Variants in DNAJC12 observed in about 807,000 individuals in gnomAD.
DNAJC12 encodes DnaJ heat shock protein family (Hsp40) member C12, also known as dnaJ homolog subfamily C member 12.
Under a neutral mutation model 28.5 loss-of-function variants are expected in DNAJC12, and 25 were observed. The observed-to-expected ratio is 0.88, with a 90% confidence interval of 0.64 to 1.22. DNAJC12 has a LOEUF of 1.22. Among genes scored for constraint, DNAJC12 ranks in the 50% most tolerant of loss-of-function variants. DNAJC12 has a pLI of 0.00. For missense variants in DNAJC12, 222 were observed against 231.7 expected (o/e 0.96, Z 0.27); for synonymous variants, 77 against 80.6 (o/e 0.95, Z 0.24).
At chr10:67,811,271 T>C in intron 3 of DNAJC12, 2 of 1,287,614 alleles carry the variant, frequency 1.6e-6, no homozygotes, top group South Asian at 2.6e-5. Flanking sequence ...TAACAGGGAG[T>C]GTGTATACTG....
chr10:67,803,168 A>AG (rs1479721056), intron 4 of DNAJC12, among the ~76,000 whole-genome samples: 3 of 152,122 alleles, frequency 2.0e-5, no homozygotes, highest in Non-Finnish European at 2.9e-5. Context: ...TCAAAAAAAA[A>AG]AATTTTATGA....
rs1189574660 is a variant in DNAJC12 at position 67,797,221 on chromosome 10, A to G, written c.503-11T>C. The G allele has an allele frequency of 6.2e-7, 1 of 1,609,298 alleles. No homozygotes were observed. The highest frequency in any genetic ancestry group is 1.1e-5 in the South Asian group (1 of 90,372). On this transcript the variant is annotated splice_polypyrimidine_tract_variant and intron_variant, in intron 4 of 4. Coordinates refer to ENST00000225171, the MANE Select transcript of DNAJC12 (RefSeq NM_021800.3). ...TCACATCTGCAAAACCTTTAAAGGA[A>G]AGAAAGTAAATATTTAAAATCAGAA...
chr10:67,807,934 G>T (rs1841819361), intron 3 of DNAJC12, among the ~76,000 whole-genome samples: 1 of 152,206 alleles, frequency 6.6e-6, no homozygotes, highest in South Asian at 2.1e-4. Context: ...CCTCATTAAA[G>T]AAATATACAG....
chr10:67,814,303 CA>C (rs1841892265), intron 2 of DNAJC12, among the ~76,000 whole-genome samples: 1 of 151,528 alleles, frequency 6.6e-6, no homozygotes, highest in Admixed American at 6.6e-5. Flanking sequence ...AACTAAATAT[CA>C]ATATATAAAA....
intron 3 of DNAJC12, among the ~76,000 whole-genome samples, chr10:67,809,963 T>G (rs577771845): frequency 6.6e-6 from 1 of 152,154 alleles, no homozygotes; most frequent in Non-Finnish European, 1.5e-5. Flanking sequence ...TCCATGTGTC[T>G]AAAAACCACT....
intron 3 of DNAJC12, among the ~76,000 whole-genome samples, chr10:67,810,265 A>G (rs1269654049): frequency 6.6e-6 from 1 of 151,934 alleles, no homozygotes; most frequent in Non-Finnish European, 1.5e-5. Context: ...TGATCCAATC[A>G]CCTCCCATCA....
rs138123308 is a variant in DNAJC12 at position 67,837,742 on chromosome 10, A to G, written c.78+192T>C. The stretch of plus-strand genomic sequence containing the variant: ...AGCTTCCGTAAAATTCCCATAGGAC[A>G]CTATTCAAGTAAAATCCCAACATAC... On this transcript the variant is annotated intron_variant, in intron 1 of 4. Transcript: ENST00000225171. 5.5e-4 allele frequency among the ~76,000 whole-genome samples: 84 copies of G among 152,326 alleles called. No homozygotes were observed. The East Asian group carries it at 0.013, about 24-fold the overall frequency.
intron 1 of DNAJC12, among the ~76,000 whole-genome samples, chr10:67,823,775 G>A (rs986708108): frequency 3.9e-5 from 6 of 151,954 alleles, no homozygotes; most frequent in Middle Eastern, 3.4e-3. Flanking sequence ...AAACAGCCAT[G>A]ATCAACCCAA....
intron 2 of DNAJC12, among the ~76,000 whole-genome samples, chr10:67,816,872 G>A (rs1417197930): frequency 6.6e-6 from 1 of 152,012 alleles, no homozygotes; most frequent in Non-Finnish European, 1.5e-5. Flanking sequence ...CATGGCCATG[G>A]AGAAGTTAAT....
chr10:67,820,946 G>A (rs1345558274), intron 2 of DNAJC12, among the ~76,000 whole-genome samples: 2 of 151,830 alleles, frequency 1.3e-5, no homozygotes, highest in Non-Finnish European at 2.9e-5. Context: ...ACTAGGCCCG[G>A]CTCACTTTGT....
chr10:67,836,204 G>C (rs547397786), intron 1 of DNAJC12, among the ~76,000 whole-genome samples: 18 of 152,010 alleles, frequency 1.2e-4, no homozygotes, highest in African/African-American at 2.4e-4. Flanking sequence ...GTCGGGGGGT[G>C]GGGGAGAAGG....
intron 1 of DNAJC12, among the ~76,000 whole-genome samples, chr10:67,836,684 G>A (rs187728902): frequency 3.4e-4 from 51 of 152,050 alleles, no homozygotes; most frequent in African/African-American, 1.1e-3. Context: ...TTCTGGGGGC[G>A]GGGCAGTTTT....
Position 67,797,163 on chromosome 10 carries a change from C to T in DNAJC12, c.550G>A (p.Asp184Asn). ...GWHLRFRWSKDAPSELLRKFR... is the reference protein window; with the variant it reads ...GWHLRFRWSKNAPSELLRKFR... ...TTCCTCAGGAGTTCTGAGGGAGCAT[C>T]CTTGGACCAGCGGAAACGAAGGTGC... Residue 184 changes from aspartate (D) to asparagine (N), a missense_variant, in exon 5 of 5, where the codon GAT (aspartate) becomes AAT (asparagine). Coordinates refer to ENST00000225171, the MANE Select transcript of DNAJC12 (RefSeq NM_021800.3). 1.2e-6 allele frequency: 2 copies of T among 1,613,770 alleles called. No homozygotes were observed. The highest frequency in any genetic ancestry group is 1.7e-6 in the Non-Finnish European group (2 of 1,179,844).
At chr10:67,829,781 T>A (rs1467949537) in intron 1 of DNAJC12, among the ~76,000 whole-genome samples, 1 of 152,242 alleles carries the variant, frequency 6.6e-6, no homozygotes, top group Non-Finnish European at 1.5e-5. Flanking sequence ...TATAGTTGAT[T>A]GTAATGTAAC....
At chr10:67,821,895 A>G (rs142691619) in intron 2 of DNAJC12, among the ~76,000 whole-genome samples, 65 of 152,304 alleles carry the variant, frequency 4.3e-4, no homozygotes, top group African/African-American at 1.4e-3. Flanking sequence ...CATGACACCA[A>G]CTGAATGGAT....
intron 1 of DNAJC12, among the ~76,000 whole-genome samples, chr10:67,828,179 G>T (rs1225555316): frequency 6.6e-6 from 1 of 152,184 alleles, no homozygotes; most frequent in Admixed American, 6.6e-5. Flanking sequence ...CAGTGTTACT[G>T]AGAGTGCGAA....
chr10:67,799,346 A>T (rs1471349686), intron 4 of DNAJC12, among the ~76,000 whole-genome samples: 2 of 152,232 alleles, frequency 1.3e-5, no homozygotes, highest in Admixed American at 1.3e-4. Context: ...AAGAATTTTC[A>T]TTTGGGGAAA....
intron 2 of DNAJC12, among the ~76,000 whole-genome samples, chr10:67,813,030 C>G (rs1841877673): frequency 6.6e-6 from 1 of 151,178 alleles, no homozygotes; most frequent in South Asian, 2.1e-4. Flanking sequence ...TCAAAACAAA[C>G]AAACAAAAAT....
At chr10:67,834,162 C>T (rs1842120690) in intron 1 of DNAJC12, 1 of 375,468 alleles carries the variant, frequency 2.7e-6, no homozygotes, top group Admixed American at 4.0e-5. Flanking sequence ...TAAAATGCCT[C>T]AGAGCTATAA....
Sources: allele counts gnomAD v4.1 joint callset (sites outside exome capture counted in the v4.1 genomes callset), GRCh38; gene constraint gnomAD v4.1.1; transcripts MANE v1.5; gene names NCBI Gene and HGNC (gene_info 2026-07-23, HGNC 2026-07-21).